STXBP5: variants seen among roughly 807,000 people sequenced by gnomAD.
STXBP5 encodes syntaxin-binding protein 5.
STXBP5 carries 50 observed loss-of-function variants against 152.4 expected under a neutral mutation model. The observed-to-expected ratio is 0.33, with a 90% CI of 0.26 to 0.42. STXBP5 has a LOEUF of 0.42. Among genes scored for constraint, STXBP5 ranks in the 10% least tolerant of loss-of-function variants. The probability of loss-of-function intolerance (pLI) is 1.00; values close to 1 mark genes in which losing one functional copy is unlikely to be tolerated. For missense variants in STXBP5, 1,167 were observed against 1,388.6 expected (o/e 0.84, Z 2.54); for synonymous variants, 492 against 494.7 (o/e 0.99, Z 0.07).
intron 9 of STXBP5, among the ~76,000 whole-genome samples, chr6:147,309,525 G>A (rs1167407471): frequency 6.6e-6 from 1 of 152,110 alleles, no homozygotes; most frequent in Non-Finnish European, 1.5e-5. Context: ...AGAATTATCA[G>A]GCTGGCAACT....
At chr6:147,273,195 T>A (rs2786186) in intron 7 of STXBP5, among the ~76,000 whole-genome samples, 52 of 129,298 alleles carry the variant, frequency 4.0e-4, no homozygotes, top group East Asian at 5.2e-4. Flanking sequence ...TCTAAAAAAG[T>A]AAAAAAAAAA....
At chr6:147,320,188 A>T (rs1293694799) in intron 16 of STXBP5, among the ~76,000 whole-genome samples, 1 of 152,110 alleles carries the variant, frequency 6.6e-6, no homozygotes, top group Admixed American at 6.5e-5. Flanking sequence ...GATGGTGACT[A>T]AAAATATCAC....
intron 18 of STXBP5, among the ~76,000 whole-genome samples, chr6:147,333,309 G>A (rs545142010): frequency 6.6e-6 from 1 of 152,190 alleles, no homozygotes; most frequent in East Asian, 1.9e-4. Context: ...ATCACTGGAA[G>A]TCAGGAGTTC....
At chr6:147,365,945 GA>G (rs1314696608) in intron 25 of STXBP5, among the ~76,000 whole-genome samples, 3 of 152,176 alleles carry the variant, frequency 2.0e-5, no homozygotes, top group African/African-American at 7.2e-5. Context: ...CAGAACTCAT[GA>G]AACAATGGTT....
chr6:147,347,571 A>G (rs955000696), intron 21 of STXBP5, among the ~76,000 whole-genome samples: 4 of 152,234 alleles, frequency 2.6e-5, no homozygotes, highest in African/African-American at 9.6e-5. Flanking sequence ...TGAAAATAAT[A>G]TAACTAATAC....
At chr6:147,260,878 G>T in intron 5 of STXBP5, 129 bp downstream of exon 5, 2 of 1,183,408 alleles carry the variant, frequency 1.7e-6, no homozygotes, top group South Asian at 3.4e-5. Flanking sequence ...ATTAAGTACA[G>T]ATTTATTAGT....
chr6:147,235,227 C>T, intron 2 of STXBP5, 23 bp from the exon 3 acceptor site: 4 of 1,607,112 alleles, frequency 2.5e-6, no homozygotes, highest in Non-Finnish European at 2.6e-6. Flanking sequence ...ATACCATAAA[C>T]TCCTTAATGG....
At chr6:147,349,315 G>A (rs1186587753) in intron 21 of STXBP5, among the ~76,000 whole-genome samples, 1 of 152,082 alleles carries the variant, frequency 6.6e-6, no homozygotes, top group African/African-American at 2.4e-5. Flanking sequence ...TTAGAGCCTT[G>A]GTTATTCCCG....
intron 9 of STXBP5, among the ~76,000 whole-genome samples, chr6:147,293,785 T>C (rs911715090): frequency 2.0e-5 from 3 of 152,232 alleles, no homozygotes; most frequent in African/African-American, 7.2e-5. Flanking sequence ...TTTTTCTTTC[T>C]ACAACCCATA....
At chr6:147,325,436 G>C (rs1783198726) in intron 17 of STXBP5, among the ~76,000 whole-genome samples, 1 of 152,048 alleles carries the variant, frequency 6.6e-6, no homozygotes, top group Non-Finnish European at 1.5e-5. Flanking sequence ...CCAGAAAACT[G>C]TTATAAAACT....
chr6:147,310,248 G>T lies in STXBP5; in HGVS notation c.1072+10G>T. The T allele has an allele frequency of 1.3e-6, 2 of 1,532,122 alleles. No individual in the cohort carries two copies. The highest frequency in any genetic ancestry group is 2.3e-5 in the Admixed American group (1 of 43,822). 94.9% of individuals were successfully genotyped at this position (1,532,122 alleles called of 1,614,324 possible). A position where few individuals can be genotyped will look rare whatever the true frequency, so the allele number is the denominator to read the frequency against. Reference sequence around the variant, plus strand: ...ACACCATACCCAAATGGTAAGCTTTGCAACTTTAAAGCTCATTCTCTATAG... The same window carrying T: ...ACACCATACCCAAATGGTAAGCTTTTCAACTTTAAAGCTCATTCTCTATAG... On this transcript the variant is annotated intron_variant, in intron 10 of 27. Transcript: ENST00000321680.
At chr6:147,209,122 A>T (rs961709336) in intron 2 of STXBP5, among the ~76,000 whole-genome samples, 1 of 151,946 alleles carries the variant, frequency 6.6e-6, no homozygotes, top group African/African-American at 2.4e-5. Context: ...TTTAAAGTAA[A>T]TTTTTTTTCT....
intron 17 of STXBP5, among the ~76,000 whole-genome samples, chr6:147,325,847 T>C (rs1224109227): frequency 6.6e-6 from 1 of 152,028 alleles, no homozygotes; most frequent in African/African-American, 2.4e-5. Context: ...TATCCACGGA[T>C]TCAACCAACT....
intron 25 of STXBP5, among the ~76,000 whole-genome samples, chr6:147,370,097 C>T (rs1785472531): frequency 6.6e-6 from 1 of 151,880 alleles, no homozygotes; most frequent in African/African-American, 2.4e-5. Flanking sequence ...ATGCAATCAG[C>T]AACATCAGTG....
At chr6:147,274,118 T>C (rs1780324252) in intron 7 of STXBP5, among the ~76,000 whole-genome samples, 1 of 152,184 alleles carries the variant, frequency 6.6e-6, no homozygotes, top group Non-Finnish European at 1.5e-5. Flanking sequence ...CAGCTTATTT[T>C]CTGCTTATTT....
In STXBP5 at chr6:147,239,207, A is replaced by T; in HGVS notation, c.368A>T (p.His123Leu). 6.2e-7 allele frequency: 1 copy of T among 1,613,652 alleles called. No homozygotes were observed. Among genetic ancestry groups the T allele is most frequent in the Non-Finnish European group, 8.5e-7 (1 of 1,179,762 alleles). The change falls in exon 4 of 28, where the codon CAC becomes CTC. Residue 123 changes from histidine (H) to leucine (L), a missense_variant. Transcript: ENST00000321680. ...LVSALADDTL[H>L]LWNLRQKRPA... Reference sequence around the variant, plus strand: ...AGTGCCTTGGCTGATGACACCTTACACTTATGGAATTTACGTCAGAAGAGG... The same window carrying T: ...AGTGCCTTGGCTGATGACACCTTACTCTTATGGAATTTACGTCAGAAGAGG...
At position 147,204,563 on chromosome 6, in the gene STXBP5, G is replaced by C; in HGVS notation, c.31G>C (p.Asp11His). ...GAAATTCAACATCAGGAAGGTGCTG[G>C]ACGGCCTGACCGCCGGCTCGTCCTC... MRKFNIRKVL[D>H]GLTAGSSSAS... Residue 11 changes from aspartate to histidine, a missense_variant, in exon 1 of 28, where the codon GAC becomes CAC. By Grantham distance (81) the Asp-to-His change is moderately conservative. Around this residue, in one of 3 missense-constraint regions of STXBP5, gnomAD observed 310 missense variants for 346.1 expected, o/e 0.90. Transcript: ENST00000321680. The surrounding 1 kb of genome is among the most constrained non-coding windows in gnomAD (Gnocchi z 4.3). The C allele has an allele frequency of 6.2e-7, 1 of 1,611,418 alleles. No individual in the cohort carries two copies. The highest frequency in any genetic ancestry group is 8.5e-7 in the Non-Finnish European group (1 of 1,178,852).
chr6:147,220,274 G>A (rs1318276250), intron 2 of STXBP5, among the ~76,000 whole-genome samples: 1 of 152,004 alleles, frequency 6.6e-6, no homozygotes, highest in East Asian at 1.9e-4. Flanking sequence ...ATTTTTTGAG[G>A]TATATTTTAT....
chr6:147,285,511 T>C (rs1328573493), intron 8 of STXBP5, among the ~76,000 whole-genome samples: 2 of 151,276 alleles, frequency 1.3e-5, no homozygotes, highest in African/African-American at 2.4e-5. Context: ...CAAGCAAAAT[T>C]AATACAGGAT....
Sources: allele counts gnomAD v4.1 joint callset (sites outside exome capture counted in the v4.1 genomes callset), GRCh38; gene constraint gnomAD v4.1.1; regional missense constraint gnomAD v4.1.1; non-coding constraint Gnocchi (gnomAD v3.1); transcripts MANE v1.5; gene names NCBI Gene and HGNC (gene_info 2026-07-23, HGNC 2026-07-21).